The following GNAQ variants were observed in gnomAD, a reference collection of about 807,000 sequenced individuals.
GNAQ encodes guanine nucleotide-binding protein G(q) subunit alpha.
GNAQ carries 8 observed loss-of-function variants against 43.9 expected under a neutral mutation model. The observed-to-expected ratio is 0.18, with a 90% CI of 0.11 to 0.33. The LOEUF (loss-of-function observed/expected upper bound fraction) is 0.33. Ranked by LOEUF, GNAQ falls within the 10% of genes least tolerant of loss-of-function variation. GNAQ has a pLI of 1.00. For missense variants in GNAQ, 158 were observed against 450.8 expected (o/e 0.35, Z 5.88); for synonymous variants, 155 against 170.7 (o/e 0.91, Z 0.71).
chr9:77,785,626 T>C (rs1375603425), intron 5 of GNAQ, among the ~76,000 whole-genome samples: 1 of 152,214 alleles, frequency 6.6e-6, no homozygotes, highest in Non-Finnish European at 1.5e-5. Flanking sequence ...TCTGTATACT[T>C]TTCTATACAT....
intron 2 of GNAQ, among the ~76,000 whole-genome samples, chr9:77,863,520 T>C (rs771384536): frequency 4.4e-4 from 67 of 152,312 alleles, no homozygotes; most frequent in South Asian, 8.3e-4. Flanking sequence ...TGTCTAATTC[T>C]GGGCCCTCCA....
rs76374193 is a variant in GNAQ at position 77,763,315 on chromosome 9, A to G, written c.735+31148T>C. 5.1e-3 allele frequency among the ~76,000 whole-genome samples: 782 copies of G among 152,198 alleles called. 8 individuals carry two copies. Among genetic ancestry groups the G allele is most frequent in the African/African-American group, 0.018 (748 of 41,536 alleles). Reference sequence around the variant, plus strand: ...TCGCTTTGCCTTCCACAACTATTATATGTTGTGATGATAATATTTTTTGTG... The same window carrying G: ...TCGCTTTGCCTTCCACAACTATTATGTGTTGTGATGATAATATTTTTTGTG... On this transcript the variant is annotated intron_variant, in intron 5 of 6. Coordinates refer to ENST00000286548, the MANE Select transcript of GNAQ (RefSeq NM_002072.5).
intron 5 of GNAQ, among the ~76,000 whole-genome samples, chr9:77,731,381 A>G (rs768210089): frequency 2.1e-4 from 32 of 152,302 alleles, no homozygotes; most frequent in South Asian, 4.1e-4. Context: ...TGCACCCAGT[A>G]CTGCTGCACT....
chr9:77,906,093 T>TA (rs140142599), intron 2 of GNAQ, among the ~76,000 whole-genome samples: 10,963 of 150,070 alleles, frequency 0.073, 487 homozygotes, highest in South Asian at 0.11. Context: ...AACTTAAAGT[T>TA]AAAAAAAAAA....
At chr9:77,820,094 A>C (rs1827089031) in intron 2 of GNAQ, among the ~76,000 whole-genome samples, 1 of 151,676 alleles carries the variant, frequency 6.6e-6, no homozygotes. Flanking sequence ...ATGCAAAAAA[A>C]AAAAAAAAAA....
In GNAQ at chr9:77,975,026, C is replaced by T. The variant is rs555492920; in HGVS notation, c.137-52681G>A. Among the ~76,000 whole-genome samples, 6 of 152,304 alleles carry T rather than the reference C, an allele frequency of 3.9e-5. No individual in the cohort carries two copies. In the South Asian group the frequency reaches 1.0e-3, roughly 26 times the overall value. On this transcript the variant is annotated intron_variant, in intron 1 of 6. Transcript: ENST00000286548. ...ACAACCCCTCAATGGATCGACTCAG[C>T]CTTGCTCAGATGGCCCTTGGTGCTC...
At chr9:77,752,802 T>A (rs957371678) in intron 5 of GNAQ, among the ~76,000 whole-genome samples, 2 of 152,190 alleles carry the variant, frequency 1.3e-5, no homozygotes, top group Non-Finnish European at 2.9e-5. Context: ...AAAATTAGCA[T>A]TCTTTTGGAT....
chr9:77,782,794 G>A (rs1051240340), intron 5 of GNAQ, among the ~76,000 whole-genome samples: 1 of 152,180 alleles, frequency 6.6e-6, no homozygotes, highest in Non-Finnish European at 1.5e-5. Flanking sequence ...TCTAGACAAT[G>A]AACTATTTCA....
chr9:77,921,861 T>C (rs1829001177), intron 2 of GNAQ, among the ~76,000 whole-genome samples: 1 of 152,228 alleles, frequency 6.6e-6, no homozygotes, highest in Non-Finnish European at 1.5e-5. Context: ...CTTAACATAA[T>C]GTGCTTCTCC....
intron 2 of GNAQ, among the ~76,000 whole-genome samples, chr9:77,822,946 T>C (rs1359352852): frequency 6.6e-6 from 1 of 151,988 alleles, no homozygotes; most frequent in Non-Finnish European, 1.5e-5. Flanking sequence ...TTTTTTTTTT[T>C]CTTTGAGAAG....
At chr9:77,991,502 A>C (rs1282384228) in intron 1 of GNAQ, among the ~76,000 whole-genome samples, 1 of 152,160 alleles carries the variant, frequency 6.6e-6, no homozygotes, top group Admixed American at 6.5e-5. Context: ...TTCTACCTCC[A>C]CATCTCCATG....
intron 1 of GNAQ, among the ~76,000 whole-genome samples, chr9:78,028,874 T>C (rs1049212231): frequency 6.6e-6 from 1 of 151,662 alleles, no homozygotes. Context: ...TTAGCGTATA[T>C]TACTACAGAA....
intron 2 of GNAQ, among the ~76,000 whole-genome samples, chr9:77,891,737 A>G (rs1828408493): frequency 6.6e-6 from 1 of 152,222 alleles, no homozygotes; most frequent in African/African-American, 2.4e-5. Context: ...CAAGGCCTCC[A>G]TATCAATAAC....
At chr9:77,745,325 C>A (rs1353820458) in intron 5 of GNAQ, among the ~76,000 whole-genome samples, 2 of 152,036 alleles carry the variant, frequency 1.3e-5, no homozygotes, top group Non-Finnish European at 2.9e-5. Flanking sequence ...CTGTAAAACA[C>A]CTAGGAATAC....
At chr9:77,882,480 C>T (rs955449741) in intron 2 of GNAQ, among the ~76,000 whole-genome samples, 5 of 152,100 alleles carry the variant, frequency 3.3e-5, no homozygotes, top group Admixed American at 1.3e-4. Flanking sequence ...AGAATTTCAC[C>T]GCATCACTGC....
chr9:77,722,253 C>T (rs1201048498), intron 6 of GNAQ, among the ~76,000 whole-genome samples: 1 of 152,012 alleles, frequency 6.6e-6, no homozygotes, highest in Non-Finnish European at 1.5e-5. Context: ...TCTCTTGCCT[C>T]AGCCTCCTGA....
At chr9:77,866,143 T>C (rs1047240642) in intron 2 of GNAQ, among the ~76,000 whole-genome samples, 1 of 152,200 alleles carries the variant, frequency 6.6e-6, no homozygotes, top group Non-Finnish European at 1.5e-5. Context: ...ATAATATTTA[T>C]CACTAGCTGG....
At chr9:77,966,604 T>C (rs542194942) in intron 1 of GNAQ, among the ~76,000 whole-genome samples, 1 of 152,280 alleles carries the variant, frequency 6.6e-6, no homozygotes, top group East Asian at 1.9e-4. Context: ...AGCCAAAACT[T>C]CACCCAGGGG....
chr9:77,788,164 G>C (rs775658972), intron 5 of GNAQ, among the ~76,000 whole-genome samples: 1 of 152,126 alleles, frequency 6.6e-6, no homozygotes, highest in Non-Finnish European at 1.5e-5. Flanking sequence ...ATTTTCAATT[G>C]TGTATATATC....
Sources: allele counts gnomAD v4.1 joint callset (sites outside exome capture counted in the v4.1 genomes callset), GRCh38; gene constraint gnomAD v4.1.1; transcripts MANE v1.5; gene names NCBI Gene and HGNC (gene_info 2026-07-23, HGNC 2026-07-21).